HACL1: variants seen among roughly 807,000 people sequenced by gnomAD.
HACL1 encodes 1600020H07Rik.
In HACL1, 64 loss-of-function variants were observed where a neutral mutation model predicts 74.2. The observed-to-expected ratio is 0.86, with a 90% confidence interval of 0.70 to 1.06. The LOEUF is 1.06. HACL1 is among the 50% of genes least tolerant of loss of function. The pLI, the probability that HACL1 is intolerant of heterozygous loss-of-function variation, is 0.00. For synonymous variants in HACL1, 230 were observed against 238.8 expected, an observed-to-expected ratio of 0.96 and a Z score of 0.34; for missense variants, 728 against 719.7, an observed-to-expected ratio of 1.01 and a Z score of -0.13.
chr3:15,576,071 G>T (rs2063620430), intron 9 of HACL1, among the ~76,000 whole-genome samples: 1 of 60,146 alleles, frequency 1.7e-5, no homozygotes, highest in Non-Finnish European at 3.0e-5. Flanking sequence ...CAGAAGAATT[G>T]CTTGAGCTCG....
In HACL1 at chr3:15,575,025, T is replaced by C. The variant is rs1383721755; in HGVS notation, c.861A>G (p.Leu287=). The C allele has an allele frequency of 1.2e-6, 2 of 1,601,734 alleles. No individual in the cohort carries two copies. The highest frequency in any genetic ancestry group is 1.7e-6 in the Non-Finnish European group (2 of 1,169,572). ...VLFGARLNWI[L]HFGLPPRYQP... The stretch of plus-strand genomic sequence containing the variant: ...GATATCTTGGAGGCAGTCCAAAATG[T>C]AAAATCCAATTTAGTCTGGCACCAA... Residue 287 remains leucine, a synonymous_variant, in exon 10 of 17, where the codon TTA becomes TTG. Transcript: ENST00000321169.
At chr3:15,596,452 G>A (rs2064067172) in intron 2 of HACL1, 28 bp from the exon 3 acceptor site, 2 of 1,465,854 alleles carry the variant, frequency 1.4e-6, no homozygotes, top group East Asian at 4.5e-5. Context: ...TGGGACTTGA[G>A]CATATTGGGA....
chr3:15,592,169 T>C (rs2063925609), intron 3 of HACL1, among the ~76,000 whole-genome samples: 1 of 149,962 alleles, frequency 6.7e-6, no homozygotes, highest in African/African-American at 2.5e-5. Flanking sequence ...TACGTATACA[T>C]GCATGTATAT....
intron 14 of HACL1, among the ~76,000 whole-genome samples, chr3:15,566,899 A>G (rs1020964746): frequency 4.1e-5 from 6 of 147,924 alleles, no homozygotes; most frequent in Non-Finnish European, 8.9e-5. Context: ...GCTCACTGCA[A>G]ACTACACCTC....
At chr3:15,595,062 G>A (rs1376100547) in intron 3 of HACL1, among the ~76,000 whole-genome samples, 2 of 152,128 alleles carry the variant, frequency 1.3e-5, no homozygotes, top group Non-Finnish European at 2.9e-5. Context: ...AGGAGGCAGA[G>A]GTTCCACTGA....
intron 5 of HACL1, among the ~76,000 whole-genome samples, chr3:15,589,086 T>C (rs1432092664): frequency 6.6e-6 from 1 of 152,230 alleles, no homozygotes; most frequent in East Asian, 1.9e-4. Context: ...CTCAAGATAA[T>C]TACCTTTAAG....
chr3:15,579,066 T>C (rs989664889), intron 9 of HACL1, among the ~76,000 whole-genome samples: 1 of 152,260 alleles, frequency 6.6e-6, no homozygotes, highest in Non-Finnish European at 1.5e-5. Flanking sequence ...TATATATGGT[T>C]AAGTTCACAC....
At chr3:15,571,043 T>C (rs188801613) in intron 12 of HACL1, among the ~76,000 whole-genome samples, 1 of 152,040 alleles carries the variant, frequency 6.6e-6, no homozygotes, top group East Asian at 1.9e-4. Flanking sequence ...AGTGGCATGA[T>C]CTACTACTGC....
At chr3:15,576,307 C>T (rs2063626251) in intron 9 of HACL1, among the ~76,000 whole-genome samples, 1 of 151,684 alleles carries the variant, frequency 6.6e-6, no homozygotes. Context: ...TGCTGGCTTG[C>T]ACATCTTCAC....
At position 15,571,785 on chromosome 3, in the gene HACL1, ACAC is replaced by A. The variant is rs1468472996; in HGVS notation, c.994-19_994-17del. Reference sequence around the variant, plus strand: ...CCTCTAAAAGCTTAAAAAAAAAAAAACACACACACACAAACACATAAACTTTTT... The same window carrying A: ...CCTCTAAAAGCTTAAAAAAAAAAAAAACACACACAAACACATAAACTTTTT... On this transcript the variant is annotated splice_polypyrimidine_tract_variant and intron_variant, in intron 11 of 16. Transcript: ENST00000321169. 3.6e-6 allele frequency: 3 copies of A among 843,570 alleles called. No individual in the cohort carries two copies. The highest frequency in any genetic ancestry group is 2.0e-5 in the African/African-American group (1 of 51,222). 52.3% of individuals were successfully genotyped at this position (843,570 alleles called of 1,614,324 possible).
At chr3:15,594,411 A>AC (rs1340478394) in intron 3 of HACL1, among the ~76,000 whole-genome samples, 1 of 152,182 alleles carries the variant, frequency 6.6e-6, no homozygotes, top group African/African-American at 2.4e-5. Flanking sequence ...CCAAATAAAT[A>AC]AATATTGAAC....
intron 7 of HACL1, among the ~76,000 whole-genome samples, chr3:15,584,719 C>T (rs888886891): frequency 6.6e-6 from 1 of 152,188 alleles, no homozygotes; most frequent in African/African-American, 2.4e-5. Flanking sequence ...TGCTTTAACC[C>T]TAAGTACCTA....
Position 15,601,480 on chromosome 3 carries a change from C to G in HACL1, c.-17G>C, listed in dbSNP as rs368764854. ...GTCCGGCATCTTCCACCGAAAAGCT[C>G]TAAGCACTCACGCAGCCGGCAAACA... On this transcript the variant is annotated 5_prime_UTR_variant, in exon 1 of 17. Transcript: ENST00000321169. 3.7e-5 allele frequency: 59 copies of G among 1,611,942 alleles called. No individual in the cohort carries two copies. In the Admixed American group the frequency reaches 8.8e-4, roughly 24 times the overall value.
At position 15,601,184 on chromosome 3, in the gene HACL1, T is replaced by TACTCC; in HGVS notation, c.87_91dup (p.Tyr31TrpfsTer8). 6.2e-7 allele frequency: 1 copy of TACTCC among 1,611,488 alleles called. No homozygotes were observed. The stretch of plus-strand genomic sequence containing the variant: ...TGGGATGCCTACGATGCCAAATATG[T>TACTCC]ACTCCACATCCTGAGGAACGAAGAA... On this transcript the variant is annotated frameshift_variant, in exon 2 of 17. Coordinates refer to ENST00000321169, the MANE Select transcript of HACL1 (RefSeq NM_012260.4). LOFTEE classifies it high-confidence loss of function.
At chr3:15,600,946 A>G in intron 2 of HACL1, 144 bp downstream of exon 2, 1 of 645,300 alleles carries the variant, frequency 1.5e-6, no homozygotes, top group South Asian at 1.7e-5. Context: ...TGGTGTAACA[A>G]CAGTTAATAT....
Position 15,575,001 on chromosome 3 carries a change from A to T in HACL1, c.885T>A (p.Tyr295Ter). The T allele has an allele frequency of 6.4e-7, 1 of 1,560,016 alleles. No homozygotes were observed. The highest frequency in any genetic ancestry group is 8.8e-7 in the Non-Finnish European group (1 of 1,132,434). ...CCTGGATAAACTTCACATCTGGCTG[A>T]TATCTTGGAGGCAGTCCAAAATGTA... Reference protein sequence around the residue: ...WILHFGLPPRYQPDVKFIQVD... With the variant: ...WILHFGLPPR Residue 295 changes from tyrosine to a stop codon, truncating the protein, a stop_gained, in exon 10 of 17, where the codon TAT becomes TAA. Transcript: ENST00000321169. LOFTEE classifies it high-confidence loss of function.
Position 15,573,422 on chromosome 3 carries a change from G to A in HACL1, c.910-180C>T, listed in dbSNP as rs563351005. Among the ~76,000 whole-genome samples, 167 of 152,324 alleles carry A rather than the reference G, an allele frequency of 1.1e-3. 1 individual carries two copies. Among genetic ancestry groups the A allele is most frequent in the Middle Eastern group, 0.01 (3 of 294 alleles). On this transcript the variant is annotated intron_variant, in intron 10 of 16. Coordinates refer to ENST00000321169, the MANE Select transcript of HACL1 (RefSeq NM_012260.4). ...TAGAACTATATTAGTATCATAGCTA[G>A]TATAGAGAGCCTCATTATCTTCCCT...
In HACL1 at chr3:15,580,060, A is replaced by C. The variant is rs113645319; in HGVS notation, c.668-15T>G. 2.8e-4 allele frequency: 448 copies of C among 1,607,344 alleles called. 1 individual carries two copies. The African/African-American group carries it at 5.3e-3, about 19-fold the overall frequency. On this transcript the variant is annotated splice_polypyrimidine_tract_variant and intron_variant, in intron 8 of 16. Transcript: ENST00000321169. ...GTAAGCAGCACCTATAAGAAATGCA[A>C]ATGTATTGGACAATTCAGTTAAGCT...
At position 15,592,451 on chromosome 3, in the gene HACL1, C is replaced by G. The variant is rs1185316245; in HGVS notation, c.228-771G>C. Among the ~76,000 whole-genome samples the G allele has an allele frequency of 3.2e-3, 430 of 135,022 alleles. 10 individuals carry two copies. Among genetic ancestry groups the G allele is most frequent in the African/African-American group, 0.012 (407 of 35,232 alleles). The allele number at this position is 135,022 out of a possible 152,430, so 88.6% of individuals were successfully genotyped here. ...ATGCATGTAGACACACGTATACATA[C>G]ACACACGTATACATACACACACGTA... On this transcript the variant is annotated intron_variant, in intron 3 of 16. Transcript: ENST00000321169.
Sources: allele counts gnomAD v4.1 joint callset (sites outside exome capture counted in the v4.1 genomes callset), GRCh38; gene constraint gnomAD v4.1.1; transcripts MANE v1.5; gene names NCBI Gene and HGNC (gene_info 2026-07-23, HGNC 2026-07-21).